USH2A: variants seen among roughly 807,000 people sequenced by gnomAD.
USH2A encodes the protein usherin, also known as Usher syndrome 2A (autosomal recessive, mild).
Under a neutral mutation model 538.9 loss-of-function variants are expected in USH2A, and 443 were observed. The observed-to-expected ratio is 0.82, with a 90% CI of 0.76 to 0.89. The LOEUF (loss-of-function observed/expected upper bound fraction) is 0.89, where lower values mean the gene tolerates loss of function less well. USH2A is among the 40% of genes least tolerant of loss of function. The probability of loss-of-function intolerance (pLI) is 0.00; values close to 1 mark genes in which losing one functional copy is unlikely to be tolerated. For synonymous variants in USH2A, 2,413 were observed against 2,273.5 expected (o/e 1.06, Z -1.75); for missense variants, 6,633 against 6,324.8 (o/e 1.05, Z -1.65).
rs190417162 is a variant in USH2A at position 216,305,876 on chromosome 1, T to C, written c.1645-13506A>G. 2.5e-3 allele frequency among the ~76,000 whole-genome samples: 388 copies of C among 152,272 alleles called. 2 individuals are homozygous for C. The highest frequency in any genetic ancestry group is 8.8e-3 in the African/African-American group (366 of 41,562). ...AGCTTGCAGGGTTTCTGCTGAGAAATCTGCTGTTAATCTGACAGGTTTTCC... is the reference window on the plus strand; with the variant it reads ...AGCTTGCAGGGTTTCTGCTGAGAAACCTGCTGTTAATCTGACAGGTTTTCC... On this transcript the variant is annotated intron_variant, in intron 9 of 71. Transcript: ENST00000307340.
chr1:215,963,800 T>A (rs897413749), intron 37 of USH2A, among the ~76,000 whole-genome samples: 9 of 152,116 alleles, frequency 5.9e-5, no homozygotes, highest in Admixed American at 3.3e-4. Context: ...AAGCCCAGCT[T>A]TACTGCAATA....
rs369806765 is a variant in USH2A at position 216,422,149 on chromosome 1, C to T, written c.188G>A (p.Arg63Gln). 56 of 1,613,666 alleles carry T rather than the reference C, an allele frequency of 3.5e-5. No homozygotes were observed. The highest frequency in any genetic ancestry group is 2.7e-4 in the African/African-American group (20 of 74,904). ...AGCAGAGCTGTGACAAAAAGTGCTT[C>T]GGTCTGGGAGTCCACATACTGCTTG... ...PTQAVCGLPDRSTFCHSSAAA... is the reference protein window; with the variant it reads ...PTQAVCGLPDQSTFCHSSAAA... The change falls in exon 2 of 72, where the codon CGA becomes CAA. Residue 63 changes from arginine (R) to glutamine (Q), a missense_variant. Arg to Gln is a conservative substitution (Grantham distance 43). Coordinates refer to ENST00000307340, the MANE Select transcript of USH2A (RefSeq NM_206933.4).
chr1:215,825,216 TTTC>T (rs1663120362), intron 47 of USH2A, among the ~76,000 whole-genome samples: 1 of 152,172 alleles, frequency 6.6e-6, no homozygotes, highest in Non-Finnish European at 1.5e-5. Context: ...TTGTCATCAC[TTTC>T]TTCTTTATTT....
chr1:216,139,832 C>T (rs530761081), intron 21 of USH2A, among the ~76,000 whole-genome samples: 56 of 152,246 alleles, frequency 3.7e-4, no homozygotes, highest in African/African-American at 1.3e-3. Flanking sequence ...TTGTCTGAGG[C>T]CGCTGGTTAT....
rs879555489 is a variant in USH2A at position 216,317,683 on chromosome 1, CA to C, written c.1644+4199del. The stretch of plus-strand genomic sequence containing the variant: ...GCCAACAAGGTGAAACCCATCTCTA[CA>C]AAAAAAAAAATACAAAAAGTTAGCC... On this transcript the variant is annotated intron_variant, in intron 9 of 71. Coordinates refer to ENST00000307340, the MANE Select transcript of USH2A (RefSeq NM_206933.4). 3.2e-3 allele frequency among the ~76,000 whole-genome samples: 452 copies of C among 141,878 alleles called. 2 individuals are homozygous for C. The highest frequency in any genetic ancestry group is 8.8e-3 in the East Asian group (43 of 4,884). 93.1% of individuals were successfully genotyped at this position (141,878 alleles called of 152,430 possible).
intron 11 of USH2A, among the ~76,000 whole-genome samples, chr1:216,273,360 A>G (rs1181308364): frequency 6.6e-6 from 1 of 152,066 alleles, no homozygotes; most frequent in Non-Finnish European, 1.5e-5. Context: ...ACCAGGGCAC[A>G]CTTCCACGGC....
chr1:215,734,715 C>G (rs73088849), intron 60 of USH2A, among the ~76,000 whole-genome samples: 2 of 152,140 alleles, frequency 1.3e-5, no homozygotes, highest in Non-Finnish European at 2.9e-5. Context: ...CTCTTAAGTT[C>G]TCACTTTCAC....
At chr1:215,865,261 T>G (rs1162199801) in intron 44 of USH2A, among the ~76,000 whole-genome samples, 1 of 152,186 alleles carries the variant, frequency 6.6e-6, no homozygotes, top group Non-Finnish European at 1.5e-5. Context: ...TCACAAATAG[T>G]TATCTGAAAA....
rs544247815 is a variant in USH2A at position 215,699,926 on chromosome 1, T to G, written c.12067-19550A>C. 8.5e-5 allele frequency among the ~76,000 whole-genome samples: 13 copies of G among 152,362 alleles called. No individual in the cohort carries two copies. In the South Asian group the frequency reaches 2.1e-3, roughly 24 times the overall value. On this transcript the variant is annotated intron_variant, in intron 61 of 71. Coordinates refer to ENST00000307340, the MANE Select transcript of USH2A (RefSeq NM_206933.4). ...GCTTCCAGCTTTTGCCCATTCAGTA[T>G]GATATTGGCTGTGGGTTTGTCATAA... is the stretch of plus-strand genomic sequence containing the variant.
chr1:215,976,863 C>A (rs1047874086), intron 35 of USH2A, among the ~76,000 whole-genome samples: 3 of 151,958 alleles, frequency 2.0e-5, no homozygotes, highest in African/African-American at 7.3e-5. Context: ...AGATGCTGGC[C>A]TCATAGAAAG....
chr1:216,408,092 G>T (rs2039426350), intron 3 of USH2A, among the ~76,000 whole-genome samples: 2 of 152,102 alleles, frequency 1.3e-5, no homozygotes. Context: ...TTTTCTAGCA[G>T]AAATTATTAA....
chr1:216,174,513 AT>A, intron 21 of USH2A: 1 of 985,384 alleles, frequency 1.0e-6, no homozygotes, highest in Non-Finnish European at 1.2e-6. Context: ...ATCTGTCTTT[AT>A]TTAAGCTTTT....
At chr1:216,071,511 A>G (rs2031556648) in intron 29 of USH2A, among the ~76,000 whole-genome samples, 1 of 152,212 alleles carries the variant, frequency 6.6e-6, no homozygotes, top group Non-Finnish European at 1.5e-5. Flanking sequence ...AAATAATTAA[A>G]TAGTGCAATT....
chr1:215,890,058 A>C (rs535314349), intron 40 of USH2A, among the ~76,000 whole-genome samples: 16 of 152,316 alleles, frequency 1.1e-4, no homozygotes, highest in African/African-American at 3.8e-4. Flanking sequence ...ACATGGTGCA[A>C]TAACACAAAT....
intron 50 of USH2A, among the ~76,000 whole-genome samples, chr1:215,791,206 C>T (rs1661972613): frequency 6.6e-6 from 1 of 152,176 alleles, no homozygotes; most frequent in African/African-American, 2.4e-5. Context: ...GGTGGCTATA[C>T]TGCATGTCAC....
chr1:216,235,233 T>A (rs1429109445), intron 13 of USH2A, among the ~76,000 whole-genome samples: 1 of 152,206 alleles, frequency 6.6e-6, no homozygotes, highest in Non-Finnish European at 1.5e-5. Context: ...TTTACTTTAA[T>A]GTAATGCATT....
intron 4 of USH2A, among the ~76,000 whole-genome samples, chr1:216,332,018 G>A (rs761892955): frequency 1.3e-5 from 2 of 152,078 alleles, no homozygotes; most frequent in Non-Finnish European, 2.9e-5. Context: ...AGAACAACAT[G>A]TTCTATGGCA....
intron 21 of USH2A, among the ~76,000 whole-genome samples, chr1:216,168,582 C>G (rs1024677356): frequency 1.3e-5 from 2 of 152,068 alleles, no homozygotes; most frequent in Non-Finnish European, 2.9e-5. Context: ...AAATAGACCC[C>G]CTTCTTGCCT....
chr1:216,317,597 C>A (rs1037444755), intron 9 of USH2A, among the ~76,000 whole-genome samples: 2 of 151,948 alleles, frequency 1.3e-5, no homozygotes, highest in Non-Finnish European at 2.9e-5. Flanking sequence ...CCTGTAATCC[C>A]AGCACTTTGG....
Sources: gnomAD v4.1 joint callset for allele counts (sites outside exome capture counted in the v4.1 genomes callset) on GRCh38, gnomAD v4.1.1 for gene constraint, MANE v1.5 for transcripts, NCBI Gene and HGNC (gene_info 2026-07-23, HGNC 2026-07-21) for gene names.